Variants in ZNF521 observed in about 807,000 individuals in gnomAD.
ZNF521 encodes the protein zinc finger protein 521.
A neutral mutation model predicts 105.5 loss-of-function variants in ZNF521; 14 were observed. The ratio of observed to expected loss-of-function variants is 0.13; its 90% CI spans 0.09 to 0.21. ZNF521 has a LOEUF of 0.21. ZNF521 is among the 10% of genes least tolerant of loss of function. ZNF521 has a pLI of 1.00. For synonymous variants in ZNF521, 635 were observed against 606.0 expected (o/e 1.05, Z -0.70); for missense variants, 1,233 against 1,629.7 (o/e 0.76, Z 4.19).
intron 4 of ZNF521, among the ~76,000 whole-genome samples, chr18:25,212,828 T>C (rs148971287): frequency 4.8e-4 from 73 of 151,500 alleles, no homozygotes; most frequent in Admixed American, 4.6e-4. Context: ...GTAGGATTAT[T>C]TTAAAATGTG....
chr18:25,113,761 GACACACACACACACACAC>G (rs10667710), intron 5 of ZNF521, among the ~76,000 whole-genome samples: 1 of 101,690 alleles, frequency 9.8e-6, no homozygotes, highest in South Asian at 4.7e-4. Flanking sequence ...AGGACGGACG[GACACACACACACACACAC>G]ACACACACAC....
intron 5 of ZNF521, among the ~76,000 whole-genome samples, chr18:25,116,915 A>C (rs1407543820): frequency 7.3e-6 from 1 of 137,778 alleles, no homozygotes; most frequent in East Asian, 2.0e-4. Flanking sequence ...ATATATACGT[A>C]TATCTATGTA....
At chr18:25,065,918 C>T (rs867137665) in intron 7 of ZNF521, among the ~76,000 whole-genome samples, 4 of 152,306 alleles carry the variant, frequency 2.6e-5, no homozygotes, top group Admixed American at 6.5e-5. Context: ...TCACTTACTA[C>T]AACAGACTGA....
intron 3 of ZNF521, among the ~76,000 whole-genome samples, chr18:25,249,153 T>G (rs1442541493): frequency 6.6e-6 from 1 of 152,044 alleles, no homozygotes. Context: ...CTTTCTTTTT[T>G]TTTTTTTTGA....
chr18:25,347,245 C>A (rs997258267), intron 2 of ZNF521, among the ~76,000 whole-genome samples: 2 of 152,102 alleles, frequency 1.3e-5, no homozygotes, highest in African/African-American at 4.8e-5. Flanking sequence ...ATAAATGGGG[C>A]AGAAAGAGTG....
intron 3 of ZNF521, among the ~76,000 whole-genome samples, chr18:25,314,862 T>C (rs1378582212): frequency 2.3e-4 from 35 of 152,236 alleles, no homozygotes; most frequent in Admixed American, 2.2e-3. Flanking sequence ...CATAGAGTAT[T>C]ACCAAATGCA....
At chr18:25,350,609 G>A (rs1181082323) in intron 2 of ZNF521, among the ~76,000 whole-genome samples, 1 of 151,824 alleles carries the variant, frequency 6.6e-6, no homozygotes, top group Admixed American at 6.5e-5. Flanking sequence ...TCCCTCTCCG[G>A]ATAATTTCGT....
rs527440695 is a variant in ZNF521 at position 25,191,879 on chromosome 18, T to C, written c.3658+3281A>G. On this transcript the variant is annotated intron_variant, in intron 5 of 7. Coordinates refer to ENST00000361524, the MANE Select transcript of ZNF521 (RefSeq NM_015461.3). ...ATAACAGACAGCTCAGAGAGGAAAATAACAATAAATATTTACTATGCTGAT... is the reference window on the plus strand; with the variant it reads ...ATAACAGACAGCTCAGAGAGGAAAACAACAATAAATATTTACTATGCTGAT... Among the ~76,000 whole-genome samples the C allele has an allele frequency of 3.9e-5, 6 of 152,162 alleles. No homozygotes were observed. The East Asian group carries it at 1.2e-3, about 29-fold the overall frequency.
At chr18:25,148,174 G>A (rs1451205518) in intron 5 of ZNF521, among the ~76,000 whole-genome samples, 1 of 152,142 alleles carries the variant, frequency 6.6e-6, no homozygotes, top group Non-Finnish European at 1.5e-5. Context: ...GACTTAGATA[G>A]GGAAATAGAT....
At chr18:25,087,668 TGTA>T (rs1285529101) in intron 7 of ZNF521, among the ~76,000 whole-genome samples, 2 of 152,186 alleles carry the variant, frequency 1.3e-5, no homozygotes, top group African/African-American at 2.4e-5. Flanking sequence ...GCAATAAAAA[TGTA>T]GTATTTTTTT....
At chr18:25,190,648 C>A (rs2035802717) in intron 5 of ZNF521, among the ~76,000 whole-genome samples, 3 of 152,116 alleles carry the variant, frequency 2.0e-5, no homozygotes, top group Non-Finnish European at 4.4e-5. Context: ...ACATAGTACA[C>A]CACCCACTAA....
chr18:25,296,452 G>C (rs1181988503), intron 3 of ZNF521, among the ~76,000 whole-genome samples: 1 of 152,108 alleles, frequency 6.6e-6, no homozygotes, highest in East Asian at 1.9e-4. Context: ...ATCTGAGATT[G>C]TTTCTTCAAA....
chr18:25,140,480 G>A (rs190559290), intron 5 of ZNF521, among the ~76,000 whole-genome samples: 24 of 152,298 alleles, frequency 1.6e-4, no homozygotes, highest in African/African-American at 4.6e-4. Flanking sequence ...TAAGAGTGTC[G>A]TGGGAATTTA....
intron 5 of ZNF521, among the ~76,000 whole-genome samples, chr18:25,174,162 A>G (rs2035495563): frequency 6.6e-6 from 1 of 152,188 alleles, no homozygotes; most frequent in Non-Finnish European, 1.5e-5. Flanking sequence ...CCTTTCTAGA[A>G]TTCTGGAAAA....
intron 5 of ZNF521, among the ~76,000 whole-genome samples, chr18:25,193,864 T>C (rs1182271321): frequency 6.6e-6 from 1 of 151,926 alleles, no homozygotes; most frequent in Non-Finnish European, 1.5e-5. Flanking sequence ...AGCTGTTATG[T>C]ATAAGTTCCA....
chr18:25,247,304 G>A (rs1218490591), intron 3 of ZNF521, among the ~76,000 whole-genome samples: 2 of 152,102 alleles, frequency 1.3e-5, no homozygotes, highest in Admixed American at 6.5e-5. Flanking sequence ...CAATCTTGTC[G>A]AACATATAAT....
rs374968525 is a variant in ZNF521, at chr18:25,078,886, G to A, written c.3906+10579C>T. ...AGAAAGTGGGAGTGCAGAGGGCGGG[G>A]GAGGTGGGAGAGAACACAAAGGGAT... On this transcript the variant is annotated intron_variant, in intron 7 of 7. Coordinates refer to ENST00000361524, the MANE Select transcript of ZNF521 (RefSeq NM_015461.3). Among the ~76,000 whole-genome samples, 25 of 152,324 alleles carry A rather than the reference G, an allele frequency of 1.6e-4. 1 individual carries two copies. Among genetic ancestry groups the A allele is most frequent in the East Asian group, 1.4e-3 (7 of 5,182 alleles).
chr18:25,238,414 G>C (rs914408372), intron 3 of ZNF521, among the ~76,000 whole-genome samples: 3 of 152,124 alleles, frequency 2.0e-5, no homozygotes, highest in African/African-American at 7.2e-5. Flanking sequence ...TTTCACTGCT[G>C]GCTATTGACC....
intron 5 of ZNF521, among the ~76,000 whole-genome samples, chr18:25,106,008 A>T (rs994215993): frequency 2.0e-5 from 3 of 152,056 alleles, no homozygotes; most frequent in African/African-American, 7.2e-5. Flanking sequence ...AAAATGTGGT[A>T]TTCGTTTTGT....
Sources: gnomAD v4.1 joint callset for allele counts (sites outside exome capture counted in the v4.1 genomes callset) on GRCh38, gnomAD v4.1.1 for gene constraint, MANE v1.5 for transcripts, NCBI Gene and HGNC (gene_info 2026-07-23, HGNC 2026-07-21) for gene names.